Variants in MECR observed in about 807,000 individuals in gnomAD.
MECR encodes the protein mitochondrial trans-2-enoyl-CoA reductase, also known as enoyl-[acyl-carrier-protein] reductase, mitochondrial.
A neutral mutation model predicts 49.1 loss-of-function variants in MECR; 37 were observed. The ratio of observed to expected loss-of-function variants is 0.75; its 90% CI spans 0.58 to 0.99. MECR has a LOEUF of 0.99. MECR is among the 50% of genes least tolerant of loss of function. The pLI is 0.00. For synonymous variants in MECR, 198 were observed against 191.1 expected (o/e 1.04, Z -0.30); for missense variants, 470 against 479.6 (o/e 0.98, Z 0.19).
Position 29,201,635 on chromosome 1 carries a change from C to T in MECR, c.756+308G>A, listed in dbSNP as rs774849790. On this transcript the variant is annotated intron_variant, in intron 6 of 9. Transcript: ENST00000263702. This position sits in a 1 kb window ranked among gnomAD's most constrained non-coding sequence, Gnocchi z 4.3. ...CTTTCTCTTTCTGTGTCTCTGTTTC[C>T]TCAGGTCCTCTCCTGCCAGTTCTAA... is the stretch of plus-strand genomic sequence containing the variant. The T allele has an allele frequency of 5.4e-5, 27 of 504,432 alleles. No individual in the cohort carries two copies. Among genetic ancestry groups the T allele is most frequent in the Non-Finnish European group, 9.1e-5 (25 of 274,152 alleles). The allele number at this position is 504,432 out of a possible 1,614,324, so 31.2% of individuals were successfully genotyped here. A position where few individuals can be genotyped will look rare whatever the true frequency, so the allele number is the denominator to read the frequency against.
chr1:29,193,087 G>A lies in MECR; in HGVS notation c.*935C>T, dbSNP rs535350263. 3.5e-4 allele frequency: 58 copies of A among 164,526 alleles called. No individual in the cohort carries two copies. Among genetic ancestry groups the A allele is most frequent in the Middle Eastern group, 6.4e-3 (2 of 312 alleles). 10.2% of individuals were successfully genotyped at this position (164,526 alleles called of 1,614,324 possible). Reference sequence around the variant, plus strand: ...AACCTCCCGAGTAGCTGGGACTACAGGTGCACAGCACCATACCTGGCTAAT... The same window carrying A: ...AACCTCCCGAGTAGCTGGGACTACAAGTGCACAGCACCATACCTGGCTAAT... On this transcript the variant is annotated 3_prime_UTR_variant, in exon 10 of 10. Transcript: ENST00000263702.
intron 3 of MECR, among the ~76,000 whole-genome samples, chr1:29,214,660 C>T (rs1466710946): frequency 6.6e-6 from 1 of 152,202 alleles, no homozygotes; most frequent in Non-Finnish European, 1.5e-5. Context: ...CACGCCTGGC[C>T]CCAACTTCTT....
Position 29,200,530 on chromosome 1 carries a change from C to A in MECR, c.816G>T (p.Leu272=). 1 of 1,613,584 alleles carries A rather than the reference C, an allele frequency of 6.2e-7. No individual in the cohort carries two copies. Among genetic ancestry groups the A allele is most frequent in the Non-Finnish European group, 8.5e-7 (1 of 1,179,552 alleles). Residue 272 remains leucine, a synonymous_variant, in exon 7 of 10, where the codon CTG becomes CTT. Coordinates refer to ENST00000263702, the MANE Select transcript of MECR (RefSeq NM_016011.5). ...AAGGGACTTACGCTAACTGCCGCAG[C>A]AGCTCTGTGGAGCTTTTCCCACCAA... is the stretch of plus-strand genomic sequence containing the variant. The part of the protein sequence containing the change: ...NCVGGKSSTE[L]LRQLARGGTM...
At chr1:29,219,837 T>C (rs1680332525) in intron 1 of MECR, among the ~76,000 whole-genome samples, 1 of 152,198 alleles carries the variant, frequency 6.6e-6, no homozygotes, top group Admixed American at 6.5e-5. Context: ...AAATGAGTTA[T>C]AGAAAAAACC....
the MECR span, among the ~76,000 whole-genome samples, chr1:29,178,583 C>A: frequency 3.3e-5 from 5 of 151,942 alleles, no homozygotes; most frequent in South Asian, 1.0e-3. Flanking sequence ...GTCTCGATCT[C>A]CTGACCTCGT....
At chr1:29,202,642 G>A (rs544021032) in intron 5 of MECR, among the ~76,000 whole-genome samples, 1 of 152,246 alleles carries the variant, frequency 6.6e-6, no homozygotes, top group East Asian at 1.9e-4. Flanking sequence ...AGGGCAAGCT[G>A]CTCCCTGAAA....
intron 7 of MECR, among the ~76,000 whole-genome samples, chr1:29,200,009 C>T (rs1574283998): frequency 6.6e-6 from 1 of 152,056 alleles, no homozygotes; most frequent in Non-Finnish European, 1.5e-5. Flanking sequence ...GATGCTTCCT[C>T]CTTGGCCTCC....
chr1:29,213,845 G>C (rs1419771713), intron 3 of MECR, among the ~76,000 whole-genome samples: 1 of 152,124 alleles, frequency 6.6e-6, no homozygotes, highest in Non-Finnish European at 1.5e-5. Context: ...TCATGTTGTG[G>C]GAACAATTGA....
intron 5 of MECR, among the ~76,000 whole-genome samples, chr1:29,202,467 C>T (rs967490166): frequency 5.9e-5 from 9 of 152,090 alleles, no homozygotes; most frequent in Non-Finnish European, 8.8e-5. Flanking sequence ...ATTATTTTTG[C>T]GAGTACAACT....
At chr1:29,185,816 GA>G in the MECR span, among the ~76,000 whole-genome samples, 9 of 152,176 alleles carry the variant, frequency 5.9e-5, no homozygotes, top group Admixed American at 5.9e-4. Flanking sequence ...CGTCTCTGCA[GA>G]AAAAACAACA....
the MECR span, among the ~76,000 whole-genome samples, chr1:29,179,741 C>G: frequency 6.6e-6 from 1 of 152,274 alleles, no homozygotes; most frequent in East Asian, 1.9e-4. Flanking sequence ...CAAATCATTC[C>G]AAGTTTTACT....
At chr1:29,205,595 G>T (rs1574337676) in intron 4 of MECR, among the ~76,000 whole-genome samples, 1 of 151,796 alleles carries the variant, frequency 6.6e-6, no homozygotes, top group African/African-American at 2.4e-5. Context: ...ACTTTGGGAG[G>T]CTGAGGTGGG....
At chr1:29,168,036 A>AT in the MECR span, among the ~76,000 whole-genome samples, 1 of 150,944 alleles carries the variant, frequency 6.6e-6, no homozygotes, top group South Asian at 2.1e-4. Flanking sequence ...TTTTAAAAAA[A>AT]ACATAGTCTC....
At chr1:29,203,681 G>A (rs1426921358) in intron 4 of MECR, among the ~76,000 whole-genome samples, 1 of 152,114 alleles carries the variant, frequency 6.6e-6, no homozygotes, top group Admixed American at 6.5e-5. Flanking sequence ...TTCCCTCTAT[G>A]TGCTCCCACA....
chr1:29,187,340 G>A, the MECR span, among the ~76,000 whole-genome samples: 1 of 151,856 alleles, frequency 6.6e-6, no homozygotes, highest in Non-Finnish European at 1.5e-5. Flanking sequence ...AGCCTCCCGA[G>A]TAGCTGGGAC....
chr1:29,208,263 A>G (rs1677110017), intron 3 of MECR, among the ~76,000 whole-genome samples: 1 of 152,228 alleles, frequency 6.6e-6, no homozygotes. Flanking sequence ...GAGTGCTGGG[A>G]TTACAGGCGT....
In MECR at chr1:29,194,696, C is replaced by T. The variant is rs116638084; in HGVS notation, c.965-517G>A. On this transcript the variant is annotated intron_variant, in intron 9 of 9. Coordinates refer to ENST00000263702, the MANE Select transcript of MECR (RefSeq NM_016011.5). Reference sequence around the variant, plus strand: ...ATCCCCTTCCTGGGCCTGCCTCCTGCGAAGGACCCTATATGGTACAGGAAG... The same window carrying T: ...ATCCCCTTCCTGGGCCTGCCTCCTGTGAAGGACCCTATATGGTACAGGAAG... Among the ~76,000 whole-genome samples, 1,181 of 152,252 alleles carry T rather than the reference C, an allele frequency of 7.8e-3. 18 individuals are homozygous for T. The highest frequency in any genetic ancestry group is 0.027 in the African/African-American group (1,131 of 41,546).
At chr1:29,191,235 C>T (rs1463999079), downstream of MECR, among the ~76,000 whole-genome samples, 2 of 152,154 alleles carry the variant, frequency 1.3e-5, no homozygotes, top group Non-Finnish European at 2.9e-5. Flanking sequence ...GCACCAGGGG[C>T]CTGCTCCTTC....
intron 7 of MECR, among the ~76,000 whole-genome samples, chr1:29,198,718 G>T (rs1014522083): frequency 6.6e-6 from 1 of 152,168 alleles, no homozygotes; most frequent in Admixed American, 6.5e-5. Context: ...CTGGGTTCAA[G>T]CAATTCTCCT....
Sources: allele counts gnomAD v4.1 joint callset (sites outside exome capture counted in the v4.1 genomes callset), GRCh38; gene constraint gnomAD v4.1.1; non-coding constraint Gnocchi (gnomAD v3.1); transcripts MANE v1.5; gene names NCBI Gene and HGNC (gene_info 2026-07-23, HGNC 2026-07-21).